Variants in MDH2 observed in about 807,000 individuals in gnomAD.
MDH2 encodes malate dehydrogenase, mitochondrial.
Under a neutral mutation model 33.6 loss-of-function variants are expected in MDH2, and 25 were observed. That is an observed-to-expected ratio of 0.74 (90% CI 0.54 to 1.04). MDH2 has a LOEUF of 1.04. Among genes scored for constraint, MDH2 ranks in the 50% least tolerant of loss-of-function variants. MDH2 has a pLI of 0.00. For missense variants in MDH2, 432 were observed against 445.0 expected (o/e 0.97, Z 0.26); for synonymous variants, 193 against 188.7 (o/e 1.02, Z -0.19).
At chr7:76,048,271 C>G (rs1225040992) in intron 1 of MDH2, 45 bp downstream of exon 1, 2 of 1,521,064 alleles carry the variant, frequency 1.3e-6, no homozygotes, top group Admixed American at 2.0e-5. Flanking sequence ...CCCCCCGGCC[C>G]GGGCCACGTG....
intron 1 of MDH2, 92 bp downstream of exon 1, chr7:76,048,318 G>C: frequency 6.8e-7 from 1 of 1,462,714 alleles, no homozygotes. Flanking sequence ...CCCTCTCCAG[G>C]CCAGCCTGGA....
At chr7:76,063,761 G>A (rs1798015880) in intron 6 of MDH2, among the ~76,000 whole-genome samples, 169 bp downstream of exon 6, 1 of 152,248 alleles carries the variant, frequency 6.6e-6, no homozygotes, top group South Asian at 2.1e-4. Context: ...TGTCAGTCCT[G>A]GAGCGAATGT....
At chr7:76,065,497 G>A (rs1798070953) in intron 8 of MDH2, among the ~76,000 whole-genome samples, 1 of 152,166 alleles carries the variant, frequency 6.6e-6, no homozygotes, top group Non-Finnish European at 1.5e-5. Flanking sequence ...ATGGCTCACT[G>A]GGCCACCCCA....
At chr7:76,049,781 A>G (rs79859948) in intron 1 of MDH2, among the ~76,000 whole-genome samples, 11,482 of 152,288 alleles carry the variant, frequency 0.075, 529 homozygotes, top group Middle Eastern at 0.14. Context: ...AGTGATGAAC[A>G]TGCAAGAAAA....
In MDH2 at chr7:76,058,025, G is replaced by A. The variant is rs371141951; in HGVS notation, c.376G>A (p.Ala126Thr). Reference sequence around the variant, plus strand: ...TGCCACGATTGTGGCCACCCTGACCGCTGCCTGTGCCCAGCACTGCCCGGA... The same window carrying A: ...TGCCACGATTGTGGCCACCCTGACCACTGCCTGTGCCCAGCACTGCCCGGA... The part of the protein sequence containing the change: ...TNATIVATLT[A>T]ACAQHCPEAM... The change falls in exon 4 of 9, where the codon GCT (alanine) becomes ACT (threonine). Residue 126 changes from alanine to threonine, a missense_variant. Physicochemically the swap from Ala to Thr is moderately conservative, Grantham distance 58 (BLOSUM62 0). Coordinates refer to ENST00000315758, the MANE Select transcript of MDH2 (RefSeq NM_005918.4). 4.3e-5 allele frequency: 69 copies of A among 1,613,824 alleles called. 2 individuals carry two copies. The Middle Eastern group carries it at 3.8e-3, about 89-fold the overall frequency.
At chr7:76,064,517 T>G (rs1215014254) in intron 7 of MDH2, 79 bp downstream of exon 7, 1 of 1,252,008 alleles carries the variant, frequency 8.0e-7, no homozygotes, top group Non-Finnish European at 1.1e-6. Context: ...ATGCTGCTTG[T>G]CCCTGGGCAT....
chr7:76,066,588 T>A lies in MDH2; in HGVS notation c.*178T>A. 1.3e-6 allele frequency: 1 copy of A among 746,320 alleles called. No homozygotes were observed. The allele number at this position is 746,320 out of a possible 1,614,324, so 46.2% of individuals were successfully genotyped here. A position where few individuals can be genotyped will look rare whatever the true frequency, so the allele number is the denominator to read the frequency against. On this transcript the variant is annotated 3_prime_UTR_variant, in exon 9 of 9. Coordinates refer to ENST00000315758, the MANE Select transcript of MDH2 (RefSeq NM_005918.4). ...GCATCAATAAAAGCCGTCCTTGATT[T>A]TATTTTTCAAGGTCCCTTCTGTAAA...
At position 76,066,942 on chromosome 7, in the gene MDH2, C is replaced by T. The variant is rs370028991; in HGVS notation, c.*532C>T. The T allele has an allele frequency of 3.9e-5, 6 of 152,258 alleles. No individual in the cohort carries two copies. Among genetic ancestry groups the T allele is most frequent in the African/African-American group, 1.2e-4 (5 of 41,460 alleles). The allele number at this position is 152,258 out of a possible 1,614,324, so 9.4% of individuals were successfully genotyped here. A position where few individuals can be genotyped will look rare whatever the true frequency, so the allele number is the denominator to read the frequency against. On this transcript the variant is annotated 3_prime_UTR_variant, in exon 9 of 9. Transcript: ENST00000315758. The stretch of plus-strand genomic sequence containing the variant: ...AACAGCACCTTTCTCATTGAGCTTC[C>T]TCTACTGACCTCTGTCCCCCTTGGG...
chr7:76,065,627 T>A (rs1244672047), intron 8 of MDH2, among the ~76,000 whole-genome samples: 4 of 152,176 alleles, frequency 2.6e-5, no homozygotes, highest in Admixed American at 2.6e-4. Context: ...GTGTATGGAA[T>A]GGCAGGGCCT....
chr7:76,050,584 A>C (rs1366497650), intron 1 of MDH2, among the ~76,000 whole-genome samples: 3 of 152,210 alleles, frequency 2.0e-5, no homozygotes, highest in South Asian at 2.1e-4. Context: ...ATTTTCTCAG[A>C]AATGGGGCGG....
At chr7:76,065,089 T>C (rs1208040807) in intron 8 of MDH2, 136 bp downstream of exon 8, 1 of 1,033,328 alleles carries the variant, frequency 9.7e-7, no homozygotes, top group African/African-American at 1.6e-5. Context: ...TTTTCAAGGG[T>C]GGACGCACAC....
At chr7:76,048,715 G>A (rs1797430957) in intron 1 of MDH2, 4 of 1,236,648 alleles carry the variant, frequency 3.2e-6, no homozygotes, top group African/African-American at 1.6e-5. Context: ...CAGTCATTTG[G>A]CCAGAGGATT....
At chr7:76,064,510 C>A in intron 7 of MDH2, 72 bp downstream of exon 7, 3 of 1,287,722 alleles carry the variant, frequency 2.3e-6, no homozygotes, top group South Asian at 1.3e-5. Context: ...GGGAGAAATG[C>A]TGCTTGTCCC....
intron 5 of MDH2, among the ~76,000 whole-genome samples, chr7:76,063,116 A>T (rs1471131691): frequency 6.6e-6 from 1 of 152,064 alleles, no homozygotes; most frequent in Non-Finnish European, 1.5e-5. Flanking sequence ...GGGAACTTGG[A>T]TTGTTCTGTG....
Position 76,048,220 on chromosome 7 carries a change from G to C in MDH2, c.60G>C (p.Ser20=). 6.5e-7 allele frequency: 1 copy of C among 1,534,794 alleles called. No homozygotes were observed. The highest frequency in any genetic ancestry group is 1.2e-5 in the South Asian group (1 of 83,946). Residue 20 remains serine (S), a synonymous_variant, in exon 1 of 9, where the codon TCG becomes TCC. Transcript: ENST00000315758. ...SAALRRSFST[S]AQNNAKVAVL... Reference sequence around the variant, plus strand: ...CTCTCCGCCGCAGCTTCAGCACCTCGGCCCAGGTAGGCCAGACGAGGGGCG... The same window carrying C: ...CTCTCCGCCGCAGCTTCAGCACCTCCGCCCAGGTAGGCCAGACGAGGGGCG...
chr7:76,051,425 C>T (rs1554585432), intron 1 of MDH2, among the ~76,000 whole-genome samples: 1 of 151,632 alleles, frequency 6.6e-6, no homozygotes, highest in Non-Finnish European at 1.5e-5. Context: ...AGGTTCAAGC[C>T]ATTCTCCTGC....
At chr7:76,063,715 T>C (rs1346998829) in intron 6 of MDH2, 123 bp downstream of exon 6, 2 of 920,016 alleles carry the variant, frequency 2.2e-6, no homozygotes, top group African/African-American at 3.3e-5. Context: ...GAAGGGCTCC[T>C]GTTGTAGGCA....
At chr7:76,048,635 TA>T in intron 1 of MDH2, 1 of 1,267,266 alleles carries the variant, frequency 7.9e-7, no homozygotes, top group Non-Finnish European at 9.9e-7. Flanking sequence ...TGTGCGTGAA[TA>T]AAAGAAATCG....
At chr7:76,059,458 A>G (rs529942079) in intron 4 of MDH2, among the ~76,000 whole-genome samples, 53 of 152,042 alleles carry the variant, frequency 3.5e-4, no homozygotes, top group Non-Finnish European at 6.3e-4. Context: ...CCCAGGCCCC[A>G]CTCACTGGTT....
Sources: allele counts gnomAD v4.1 joint callset (sites outside exome capture counted in the v4.1 genomes callset), GRCh38; gene constraint gnomAD v4.1.1; transcripts MANE v1.5; gene names NCBI Gene and HGNC (gene_info 2026-07-23, HGNC 2026-07-21).